The following ANO10 variants were observed in gnomAD, a reference collection of about 807,000 sequenced individuals.
The protein encoded by ANO10 is anoctamin-10.
A neutral mutation model predicts 74.7 loss-of-function variants in ANO10; 77 were observed. That is an observed-to-expected ratio of 1.03 (90% CI 0.86 to 1.25). The LOEUF is 1.25. ANO10 is among the 50% of genes most tolerant of loss of function. The probability of loss-of-function intolerance (pLI) is 0.00; values close to 1 mark genes in which losing one functional copy is unlikely to be tolerated. For synonymous variants in ANO10, 279 were observed against 284.9 expected (o/e 0.98, Z 0.21); for missense variants, 721 against 778.1 (o/e 0.93, Z 0.87).
intron 11 of ANO10, among the ~76,000 whole-genome samples, chr3:43,535,966 T>C (rs924762396): frequency 6.6e-6 from 1 of 152,146 alleles, no homozygotes; most frequent in African/African-American, 2.4e-5. Flanking sequence ...ATAAAAACTA[T>C]AAGATAAGTA....
chr3:43,542,878 T>C (rs973495460), intron 11 of ANO10, among the ~76,000 whole-genome samples: 1 of 152,250 alleles, frequency 6.6e-6, no homozygotes, highest in African/African-American at 2.4e-5. Flanking sequence ...CAACCTCATC[T>C]ATGCCTCGCC....
chr3:43,445,759 G>C (rs774498775), intron 11 of ANO10, among the ~76,000 whole-genome samples: 6 of 152,040 alleles, frequency 3.9e-5, no homozygotes, highest in Non-Finnish European at 5.9e-5. Flanking sequence ...CTGTGTAGTG[G>C]CACTATCTCA....
At chr3:43,494,299 C>T (rs1180604375) in intron 11 of ANO10, among the ~76,000 whole-genome samples, 2 of 152,002 alleles carry the variant, frequency 1.3e-5, no homozygotes, top group African/African-American at 4.8e-5. Flanking sequence ...ACTACAAATA[C>T]AACATTGGCT....
rs1437636564 is a variant in ANO10 at position 43,438,528 on chromosome 3, T to C, written c.1798-5801A>G. On this transcript the variant is annotated intron_variant, in intron 11 of 12. Coordinates refer to ENST00000292246, the MANE Select transcript of ANO10 (RefSeq NM_018075.5). ...GGAAGGCTGAGGCAGGTGGATCACC[T>C]GAGGTTAGGAGTTCAAGACAAGCCT... Among the ~76,000 whole-genome samples the C allele has an allele frequency of 2.6e-5, 4 of 151,768 alleles. No individual in the cohort carries two copies. In the East Asian group the frequency reaches 7.8e-4, roughly 29 times the overall value.
intron 4 of ANO10, among the ~76,000 whole-genome samples, chr3:43,581,999 T>C (rs139540075): frequency 2.6e-5 from 4 of 152,184 alleles, no homozygotes; most frequent in African/African-American, 9.6e-5. Flanking sequence ...CATCCATTGA[T>C]AAGTTTTGAG....
intron 11 of ANO10, among the ~76,000 whole-genome samples, chr3:43,479,168 T>A (rs561607827): frequency 6.6e-6 from 1 of 152,302 alleles, no homozygotes; most frequent in East Asian, 1.9e-4. Context: ...TACCTTTTCC[T>A]TTTCACTCGT....
chr3:43,633,537 T>A (rs1021610852), intron 1 of ANO10, among the ~76,000 whole-genome samples: 1 of 152,208 alleles, frequency 6.6e-6, no homozygotes, highest in African/African-American at 2.4e-5. Flanking sequence ...GCCATTGAAG[T>A]AATAGAATTC....
chr3:43,455,130 T>C (rs1220456851), intron 11 of ANO10, among the ~76,000 whole-genome samples: 1 of 151,964 alleles, frequency 6.6e-6, no homozygotes, highest in Non-Finnish European at 1.5e-5. Context: ...GGAGTTTTCA[T>C]GTAGTGCGCC....
chr3:43,429,859 A>G (rs1033546154), intron 12 of ANO10, among the ~76,000 whole-genome samples: 4 of 152,214 alleles, frequency 2.6e-5, no homozygotes, highest in Non-Finnish European at 2.9e-5. Flanking sequence ...AAATGTTTCA[A>G]TGACTAAATT....
chr3:43,530,720 T>C (rs2078427749), intron 11 of ANO10, among the ~76,000 whole-genome samples: 1 of 152,196 alleles, frequency 6.6e-6, no homozygotes, highest in Non-Finnish European at 1.5e-5. Flanking sequence ...CTACTATTGT[T>C]GTTAATATCT....
chr3:43,470,595 A>ATTTT (rs1255167672), intron 11 of ANO10, among the ~76,000 whole-genome samples: 169 of 88,900 alleles, frequency 1.9e-3, no homozygotes, highest in Non-Finnish European at 2.9e-3. Flanking sequence ...CCTGGTAATT[A>ATTTT]TTTTATTTAT....
chr3:43,547,902 G>A (rs2079272039), intron 11 of ANO10, among the ~76,000 whole-genome samples: 1 of 152,210 alleles, frequency 6.6e-6, no homozygotes, highest in Non-Finnish European at 1.5e-5. Flanking sequence ...AGACTGTAAT[G>A]AGCTCATCCA....
chr3:43,395,531 A>T (rs544042186), intron 12 of ANO10, among the ~76,000 whole-genome samples: 37 of 152,282 alleles, frequency 2.4e-4, no homozygotes, highest in African/African-American at 8.9e-4. Flanking sequence ...AGAACCGTTT[A>T]TTGAAAAGAC....
chr3:43,581,828 A>C (rs993474459), intron 4 of ANO10, among the ~76,000 whole-genome samples: 3 of 150,346 alleles, frequency 2.0e-5, no homozygotes, highest in Non-Finnish European at 4.4e-5. Context: ...CAGGAGGCTG[A>C]GGTGGGAGGA....
At chr3:43,467,851 G>C (rs1485451073) in intron 11 of ANO10, among the ~76,000 whole-genome samples, 1 of 152,182 alleles carries the variant, frequency 6.6e-6, no homozygotes, top group African/African-American at 2.4e-5. Flanking sequence ...GTCAGACAGA[G>C]AGATTCACAA....
chr3:43,577,789 T>A (rs1052981276), intron 5 of ANO10, among the ~76,000 whole-genome samples: 4 of 152,168 alleles, frequency 2.6e-5, no homozygotes, highest in African/African-American at 4.8e-5. Context: ...GAAAAATTAT[T>A]CAAAAGCACA....
intron 12 of ANO10, 61 bp downstream of exon 12, chr3:43,432,550 G>T: frequency 7.4e-7 from 1 of 1,353,678 alleles, no homozygotes. Context: ...TGATTCTTCT[G>T]AATTATTTTT....
At chr3:43,567,329 A>G (rs2080419682) in intron 7 of ANO10, among the ~76,000 whole-genome samples, 1 of 151,768 alleles carries the variant, frequency 6.6e-6, no homozygotes, top group East Asian at 1.9e-4. Context: ...GGAAATACAG[A>G]GAACGCCACA....
At chr3:43,394,269 A>G (rs1472354971) in intron 12 of ANO10, among the ~76,000 whole-genome samples, 1 of 152,054 alleles carries the variant, frequency 6.6e-6, no homozygotes, top group Non-Finnish European at 1.5e-5. Context: ...ATTTCCTGTG[A>G]CCTGCCTATG....
Sources: gnomAD v4.1 joint callset for allele counts (sites outside exome capture counted in the v4.1 genomes callset) on GRCh38, gnomAD v4.1.1 for gene constraint, MANE v1.5 for transcripts, NCBI Gene and HGNC (gene_info 2026-07-23, HGNC 2026-07-21) for gene names.